RBM27: variants seen among roughly 807,000 people sequenced by gnomAD.
The protein encoded by RBM27 is RNA-binding protein 27.
In RBM27, 22 loss-of-function variants were observed where a neutral mutation model predicts 135.3. The observed-to-expected ratio is 0.16, with a 90% CI of 0.12 to 0.23. RBM27 has a LOEUF of 0.23. Ranked by LOEUF, RBM27 falls within the 10% of genes least tolerant of loss-of-function variation. The pLI, the probability that RBM27 is intolerant of heterozygous loss-of-function variation, is 1.00. For synonymous variants in RBM27, 481 were observed against 442.4 expected, an observed-to-expected ratio of 1.09 and a Z score of -1.10; for missense variants, 1,009 against 1,281.0, an observed-to-expected ratio of 0.79 and a Z score of 3.24.
intron 19 of RBM27, among the ~76,000 whole-genome samples, chr5:146,282,670 T>C (rs1338986810): frequency 6.6e-6 from 1 of 152,176 alleles, no homozygotes; most frequent in Non-Finnish European, 1.5e-5. Flanking sequence ...TACTACACTA[T>C]TTTATGTAAA....
chr5:146,246,692 T>G (rs1757638419), intron 8 of RBM27, among the ~76,000 whole-genome samples: 1 of 152,068 alleles, frequency 6.6e-6, no homozygotes, highest in Non-Finnish European at 1.5e-5. Flanking sequence ...TCATCTCAAA[T>G]TTAAAAGAGA....
chr5:146,229,619 T>C, intron 4 of RBM27, 98 bp from the exon 5 acceptor site: 5 of 976,234 alleles, frequency 5.1e-6, no homozygotes, highest in East Asian at 4.8e-5. Context: ...AGCATAGATA[T>C]GCATTTGGAT....
At chr5:146,258,365 T>G in intron 10 of RBM27, 84 bp from the exon 11 acceptor site, 1 of 1,077,540 alleles carries the variant, frequency 9.3e-7, no homozygotes, top group South Asian at 2.8e-5. Context: ...GAGCTATTCA[T>G]AGTAGTTTTT....
chr5:146,230,750 A>G lies in RBM27; in HGVS notation c.683A>G (p.Gln228Arg), dbSNP rs1756894812. The G allele has an allele frequency of 6.2e-7, 1 of 1,614,104 alleles. No homozygotes were observed. The highest frequency in any genetic ancestry group is 8.5e-7 in the Non-Finnish European group (1 of 1,179,964). ...GCACCACCTCCAAACTCTTCTGAGC[A>G]GTATTCCTCTGGGGCACAGTCTATT... ...VSAPPPNSSE[Q>R]YSSGAQSIPS... Residue 228 changes from glutamine (Q) to arginine (R), a missense_variant, in exon 6 of 21, where the codon CAG becomes CGG. Transcript: ENST00000265271.
intron 1 of RBM27, among the ~76,000 whole-genome samples, chr5:146,207,454 T>G (rs184745290): frequency 6.6e-6 from 1 of 151,844 alleles, no homozygotes; most frequent in East Asian, 2.0e-4. Flanking sequence ...GACCTTGTGA[T>G]CCACCTGCTT....
At chr5:146,231,199 C>T (rs1284747418) in intron 6 of RBM27, among the ~76,000 whole-genome samples, 1 of 152,066 alleles carries the variant, frequency 6.6e-6, no homozygotes, top group Non-Finnish European at 1.5e-5. Context: ...TTAATCTACA[C>T]TCCCACTGAC....
rs375448144 is a variant in RBM27 at position 146,274,006 on chromosome 5, C to T, written c.2988+2332C>T. On this transcript the variant is annotated intron_variant, in intron 19 of 20. Coordinates refer to ENST00000265271, the MANE Select transcript of RBM27 (RefSeq NM_018989.2). The stretch of plus-strand genomic sequence containing the variant: ...CTTTAAAAATGTATTTTTTTTGAGA[C>T]GGAGTTTTGCTCTCGTCGCCCAGGC... Among the ~76,000 whole-genome samples the T allele has an allele frequency of 1.2e-4, 18 of 152,168 alleles. No individual in the cohort carries two copies. In the South Asian group the frequency reaches 1.7e-3, roughly 14 times the overall value.
intron 1 of RBM27, among the ~76,000 whole-genome samples, chr5:146,215,831 A>C (rs1416708492): frequency 6.6e-6 from 1 of 151,548 alleles, no homozygotes; most frequent in Admixed American, 6.6e-5. Context: ...GCTCACTGCA[A>C]CCTCTGCCTC....
intron 11 of RBM27, among the ~76,000 whole-genome samples, chr5:146,259,471 T>A (rs1222438573): frequency 8.3e-6 from 1 of 120,512 alleles, no homozygotes; most frequent in Non-Finnish European, 1.6e-5. Context: ...ACCATTGCAC[T>A]CCAGTCTGGG....
chr5:146,203,763 A>G lies in RBM27; in HGVS notation c.-3A>G. The G allele has an allele frequency of 6.4e-7, 1 of 1,550,708 alleles. No individual in the cohort carries two copies. On this transcript the variant is annotated 5_prime_UTR_variant, in exon 1 of 21. Coordinates refer to ENST00000265271, the MANE Select transcript of RBM27 (RefSeq NM_018989.2). ...CGGCGGCCGAGCCCGCCTTCCCTGC[A>G]CCATGCTCATAGAGGATGTGGATGC...
Position 146,206,488 on chromosome 5 carries a change from GT to G in RBM27, c.59+2666del, listed in dbSNP as rs571624912. The stretch of plus-strand genomic sequence containing the variant: ...ACTTGAGTTTAGTTTCTCCTTTTGA[GT>G]TATATATTCAACTTAAAGTTCACAT... On this transcript the variant is annotated intron_variant, in intron 1 of 20. Transcript: ENST00000265271. Among the ~76,000 whole-genome samples, 371 of 137,264 alleles carry G rather than the reference GT, an allele frequency of 2.7e-3. 3 individuals carry two copies. The highest frequency in any genetic ancestry group is 9.5e-3 in the African/African-American group (349 of 36,776). The allele number at this position is 137,264 out of a possible 152,430, so 90.1% of individuals were successfully genotyped here. A position where few individuals can be genotyped will look rare whatever the true frequency, so the allele number is the denominator to read the frequency against.
intron 14 of RBM27, among the ~76,000 whole-genome samples, chr5:146,265,298 T>A (rs951353328): frequency 5.3e-5 from 8 of 151,772 alleles, no homozygotes; most frequent in African/African-American, 1.9e-4. Context: ...TACCATGGAG[T>A]GATTATCAGA....
chr5:146,284,630 C>G lies in RBM27; in HGVS notation c.2997C>G (p.Asn999Lys), dbSNP rs1449910582. The part of the protein sequence containing the change: ...EDLLQHFSTA[N>K]QGPKFKDRRL... The stretch of plus-strand genomic sequence containing the variant: ...TCTAATATATATTTTAGACCGCAAA[C>G]CAAGGGCCAAAATTTAAAGACCGTC... Residue 999 changes from asparagine to lysine, a missense_variant, in exon 20 of 21, where the codon AAC (asparagine) becomes AAG (lysine). Physicochemically the swap from Asn to Lys is moderately conservative, Grantham distance 94 (BLOSUM62 0). Around this residue, in one of 6 missense-constraint regions of RBM27, gnomAD observed 355 missense variants for 427.3 expected, o/e 0.83. Coordinates refer to ENST00000265271, the MANE Select transcript of RBM27 (RefSeq NM_018989.2). 4.3e-6 allele frequency: 7 copies of G among 1,610,594 alleles called. No individual in the cohort carries two copies. The highest frequency in any genetic ancestry group is 1.3e-5 in the African/African-American group (1 of 74,674).
At chr5:146,242,072 G>T (rs1757429962) in intron 8 of RBM27, among the ~76,000 whole-genome samples, 1 of 151,930 alleles carries the variant, frequency 6.6e-6, no homozygotes, top group Non-Finnish European at 1.5e-5. Context: ...TCACGGGTGT[G>T]AGCCATCACA....
Position 146,259,553 on chromosome 5 carries a change from G to A in RBM27, c.1739+960G>A, listed in dbSNP as rs1284048354. ...GGTGGTGTTCTAGCCTTCATTTAATGATGTTAGAGTCTTTGATAATTGTGG... is the reference window on the plus strand; with the variant it reads ...GGTGGTGTTCTAGCCTTCATTTAATAATGTTAGAGTCTTTGATAATTGTGG... On this transcript the variant is annotated intron_variant, in intron 11 of 20. Transcript: ENST00000265271. Among the ~76,000 whole-genome samples, 3 of 149,128 alleles carry A rather than the reference G, an allele frequency of 2.0e-5. No homozygotes were observed. The East Asian group carries it at 5.9e-4, about 29-fold the overall frequency.
intron 6 of RBM27, among the ~76,000 whole-genome samples, chr5:146,231,885 G>A (rs999697697): frequency 6.6e-6 from 1 of 152,176 alleles, no homozygotes; most frequent in African/African-American, 2.4e-5. Flanking sequence ...AAAGTGCTGG[G>A]ATTACAGGTG....
intron 20 of RBM27, among the ~76,000 whole-genome samples, chr5:146,285,396 CA>C (rs1220201474): frequency 6.6e-6 from 1 of 152,042 alleles, no homozygotes; most frequent in Non-Finnish European, 1.5e-5. Flanking sequence ...TAATTTTACA[CA>C]GCAAAAGCAG....
chr5:146,258,280 TC>T (rs760051294), intron 10 of RBM27, among the ~76,000 whole-genome samples, 168 bp from the exon 11 acceptor site: 21 of 152,240 alleles, frequency 1.4e-4, no homozygotes, highest in Non-Finnish European at 2.1e-4. Flanking sequence ...AACATGGATT[TC>T]TATTTTTTAT....
intron 18 of RBM27, among the ~76,000 whole-genome samples, 176 bp from the exon 19 acceptor site, chr5:146,271,307 G>A (rs555200855): frequency 2.0e-5 from 3 of 152,128 alleles, no homozygotes; most frequent in South Asian, 2.1e-4. Flanking sequence ...GGCTGAGGCA[G>A]GAGAATAGCT....
Sources: allele counts gnomAD v4.1 joint callset (sites outside exome capture counted in the v4.1 genomes callset), GRCh38; gene constraint gnomAD v4.1.1; regional missense constraint gnomAD v4.1.1; transcripts MANE v1.5; gene names NCBI Gene and HGNC (gene_info 2026-07-23, HGNC 2026-07-21).